Variants in VPS8 observed in about 807,000 individuals in gnomAD.
The protein encoded by VPS8 is VPS8 subunit of CORVET complex.
VPS8 carries 129 observed loss-of-function variants against 216.4 expected under a neutral mutation model. The observed-to-expected ratio is 0.60, with a 90% CI of 0.52 to 0.69. The LOEUF is 0.69. Ranked by LOEUF, VPS8 falls within the 30% of genes least tolerant of loss-of-function variation. The pLI, the probability that VPS8 is intolerant of heterozygous loss-of-function variation, is 0.00. For synonymous variants in VPS8, 571 were observed against 565.4 expected (o/e 1.01, Z -0.14); for missense variants, 1,531 against 1,683.5 (o/e 0.91, Z 1.59).
intron 6 of VPS8, chr3:184,839,165 G>A (rs903904243): frequency 1.6e-5 from 3 of 187,498 alleles, no homozygotes; most frequent in Admixed American, 6.0e-5. Context: ...TTGCAGTATT[G>A]TAGAGAACTA....
chr3:184,979,660 T>C (rs1248787943), intron 40 of VPS8, among the ~76,000 whole-genome samples: 1 of 152,192 alleles, frequency 6.6e-6, no homozygotes, highest in Admixed American at 6.5e-5. Flanking sequence ...GGTAGATTTT[T>C]CTCCATCCAT....
intron 22 of VPS8, chr3:184,893,206 A>T (rs1327175614): frequency 2.4e-6 from 3 of 1,234,110 alleles, no homozygotes; most frequent in East Asian, 6.3e-5. Context: ...AGTTGTAGCC[A>T]GTCTGTTTTC....
At chr3:185,031,507 C>T (rs1394391422) in intron 46 of VPS8, among the ~76,000 whole-genome samples, 1 of 152,136 alleles carries the variant, frequency 6.6e-6, no homozygotes, top group Non-Finnish European at 1.5e-5. Context: ...AGTTGAAAAC[C>T]TCAGCAAGAC....
intron 42 of VPS8, among the ~76,000 whole-genome samples, chr3:184,988,600 C>T (rs1031693930): frequency 1.3e-5 from 2 of 152,194 alleles, no homozygotes; most frequent in Non-Finnish European, 2.9e-5. Flanking sequence ...AATCATCCAA[C>T]TTTGCTCTTC....
chr3:185,032,358 A>G (rs1758295420), intron 46 of VPS8, among the ~76,000 whole-genome samples: 1 of 152,168 alleles, frequency 6.6e-6, no homozygotes, highest in Admixed American at 6.5e-5. Context: ...CGCTCCAACC[A>G]TAAGATCTGC....
intron 45 of VPS8, among the ~76,000 whole-genome samples, chr3:185,010,948 G>A (rs1754929849): frequency 1.3e-5 from 2 of 152,092 alleles, no homozygotes. Flanking sequence ...GCAGTGAGCT[G>A]TGATTGTTCC....
rs566678311 is a variant in VPS8 at position 184,949,594 on chromosome 3, C to G, written c.3036-7780C>G. ...CAAGGATGCACTGGATTCCTTCTTG[C>G]CAGAGGAAAGTTTCTGTCTCAGTCA... On this transcript the variant is annotated intron_variant, in intron 36 of 47. Coordinates refer to ENST00000625842, the MANE Select transcript of VPS8 (RefSeq NM_001009921.3). Among the ~76,000 whole-genome samples, 42 of 152,136 alleles carry G rather than the reference C, an allele frequency of 2.8e-4. 1 individual carries two copies. The South Asian group carries it at 8.7e-3, about 32-fold the overall frequency.
chr3:184,979,846 G>A (rs1157431462), intron 40 of VPS8, among the ~76,000 whole-genome samples: 5 of 152,154 alleles, frequency 3.3e-5, no homozygotes, highest in Admixed American at 6.5e-5. Context: ...GTCATCATGT[G>A]TTTAGTTGGT....
At chr3:185,016,445 A>G (rs1253418945) in intron 45 of VPS8, among the ~76,000 whole-genome samples, 1 of 152,228 alleles carries the variant, frequency 6.6e-6, no homozygotes, top group Non-Finnish European at 1.5e-5. Flanking sequence ...TGCTTGTCCT[A>G]CATACGTCTG....
chr3:185,047,397 C>T (rs1000685084), intron 46 of VPS8, among the ~76,000 whole-genome samples: 5 of 152,224 alleles, frequency 3.3e-5, no homozygotes, highest in South Asian at 2.1e-4. Context: ...GTACCCAACT[C>T]GGAGAACTTG....
intron 45 of VPS8, among the ~76,000 whole-genome samples, chr3:185,006,040 A>G (rs994691876): frequency 9.8e-5 from 15 of 152,364 alleles, no homozygotes; most frequent in Admixed American, 1.3e-4. Flanking sequence ...GGGCTATCCC[A>G]TTCTGCAGGA....
intron 42 of VPS8, among the ~76,000 whole-genome samples, chr3:184,985,521 C>A (rs1392605589): frequency 6.6e-6 from 1 of 152,124 alleles, no homozygotes. Context: ...GTAATAGTGG[C>A]CACCTTTAGG....
At chr3:185,021,037 A>C (rs1756578258) in intron 45 of VPS8, among the ~76,000 whole-genome samples, 1 of 152,252 alleles carries the variant, frequency 6.6e-6, no homozygotes, top group East Asian at 1.9e-4. Flanking sequence ...GTGCCATTGC[A>C]CTCCAGCTGG....
At chr3:184,897,775 A>G (rs1404157172) in intron 23 of VPS8, among the ~76,000 whole-genome samples, 1 of 151,992 alleles carries the variant, frequency 6.6e-6, no homozygotes, top group East Asian at 1.9e-4. Flanking sequence ...GCCACTGTTT[A>G]TAGTATTATA....
chr3:184,996,276 A>C, intron 43 of VPS8, 56 bp from the exon 44 acceptor site: 4 of 1,513,110 alleles, frequency 2.6e-6, no homozygotes, highest in Non-Finnish European at 3.5e-6. Flanking sequence ...CATCTCCTCT[A>C]TCTCTTTCAT....
At chr3:184,909,319 G>C (rs1355335723) in intron 25 of VPS8, among the ~76,000 whole-genome samples, 1 of 152,152 alleles carries the variant, frequency 6.6e-6, no homozygotes, top group East Asian at 1.9e-4. Flanking sequence ...TTAATTTCAA[G>C]AGTTCTGAAA....
intron 28 of VPS8, among the ~76,000 whole-genome samples, chr3:184,917,466 G>C (rs1358566250): frequency 6.6e-6 from 1 of 151,940 alleles, no homozygotes; most frequent in African/African-American, 2.4e-5. Flanking sequence ...CTTTGCTCTT[G>C]TCTCCCAGGC....
chr3:184,867,988 G>A, intron 17 of VPS8, 36 bp from the exon 18 acceptor site: 1 of 1,611,058 alleles, frequency 6.2e-7, no homozygotes, highest in Non-Finnish European at 8.5e-7. Flanking sequence ...GTCTGTTAAG[G>A]GTGATCATTT....
At chr3:184,920,702 CT>C (rs1161804519) in intron 29 of VPS8, among the ~76,000 whole-genome samples, 9 of 152,198 alleles carry the variant, frequency 5.9e-5, no homozygotes, top group Admixed American at 5.9e-4. Context: ...GATGCTGTTG[CT>C]AATGAAGAAT....
Sources: allele counts gnomAD v4.1 joint callset (sites outside exome capture counted in the v4.1 genomes callset), GRCh38; gene constraint gnomAD v4.1.1; transcripts MANE v1.5; gene names NCBI Gene and HGNC (gene_info 2026-07-23, HGNC 2026-07-21).